The following COL27A1 variants were observed in gnomAD, a reference collection of about 807,000 sequenced individuals.
COL27A1 encodes the protein collagen alpha-1(XXVII) chain.
A neutral mutation model predicts 251.3 loss-of-function variants in COL27A1; 106 were observed. The observed-to-expected ratio is 0.42, with a 90% confidence interval of 0.36 to 0.50. The LOEUF (loss-of-function observed/expected upper bound fraction) is 0.50, where lower values mean the gene tolerates loss of function less well. Among genes scored for constraint, COL27A1 ranks in the 20% least tolerant of loss-of-function variants. The pLI, the probability that COL27A1 is intolerant of heterozygous loss-of-function variation, is 0.00. For synonymous variants in COL27A1, 1,000 were observed against 986.3 expected (o/e 1.01, Z -0.26); for missense variants, 2,325 against 2,522.8 (o/e 0.92, Z 1.68).
intron 60 of COL27A1, 24 bp downstream of exon 60, chr9:114,309,502 G>T: frequency 1.3e-6 from 2 of 1,589,208 alleles, no homozygotes; most frequent in Non-Finnish European, 1.7e-6. Context: ...CCCCTCCTAG[G>T]CCCTTCATGT....
At position 114,311,675 on chromosome 9, in the gene COL27A1, TG is replaced by T. The variant is rs552789939; in HGVS notation, c.*983del. 2.1e-4 allele frequency: 32 copies of T among 152,220 alleles called. No individual in the cohort carries two copies. Among genetic ancestry groups the T allele is most frequent in the Admixed American group, 1.9e-3 (29 of 15,288 alleles). The allele number at this position is 152,220 out of a possible 1,614,324, so 9.4% of individuals were successfully genotyped here. ...GTCCTTTTAAGGCAGCAGGGAGGCC[TG>T]GGTGCGAAGCATGTTGGCTTGGCCC... is the stretch of plus-strand genomic sequence containing the variant. On this transcript the variant is annotated 3_prime_UTR_variant, in exon 61 of 61. Coordinates refer to ENST00000356083, the MANE Select transcript of COL27A1 (RefSeq NM_032888.4).
chr9:114,289,104 C>G, intron 44 of COL27A1, 137 bp downstream of exon 44: 1 of 1,383,488 alleles, frequency 7.2e-7, no homozygotes, highest in Non-Finnish European at 9.9e-7. Context: ...TCTGTTTCTC[C>G]TGCCCTGACC....
Position 114,206,258 on chromosome 9 carries a change from C to T in COL27A1, c.2230C>T (p.Pro744Ser). Residue 744 changes from proline to serine, a missense_variant, in exon 10 of 61, where the codon CCT (proline) becomes TCT (serine). Physicochemically the swap from Pro to Ser is moderately conservative, Grantham distance 74 (BLOSUM62 -1). Transcript: ENST00000356083. The stretch of plus-strand genomic sequence containing the variant: ...TCTGTGTTTTGTGTTTCAGGGGTTA[C>T]CTGGACCGGTAGGAGATCCCGGCCC... Reference protein sequence around the residue: ...AKGYPGRQGLPGPVGDPGPKG... With the variant: ...AKGYPGRQGLSGPVGDPGPKG... 6.2e-7 allele frequency: 1 copy of T among 1,614,138 alleles called. No individual in the cohort carries two copies. Among genetic ancestry groups the T allele is most frequent in the Non-Finnish European group, 8.5e-7 (1 of 1,179,994 alleles).
At chr9:114,260,361 T>G (rs7862679) in intron 28 of COL27A1, among the ~76,000 whole-genome samples, 4,337 of 152,260 alleles carry the variant, frequency 0.028, 204 homozygotes, top group African/African-American at 0.1. Flanking sequence ...CTGGGTCTCC[T>G]GCCAAACAGG....
rs202177946 is a variant in COL27A1, at chr9:114,304,574, G to A, written c.4873-34G>A. Reference sequence around the variant, plus strand: ...TGATGGGTGTGGAGAACCCTGGGGGGCCACGATACATACCCTGTCTTTTCC... The same window carrying A: ...TGATGGGTGTGGAGAACCCTGGGGGACCACGATACATACCCTGTCTTTTCC... On this transcript the variant is annotated intron_variant, in intron 56 of 60. Coordinates refer to ENST00000356083, the MANE Select transcript of COL27A1 (RefSeq NM_032888.4). 1.2e-6 allele frequency: 2 copies of A among 1,611,034 alleles called. 1 individual carries two copies. The highest frequency in any genetic ancestry group is 1.7e-6 in the Non-Finnish European group (2 of 1,177,314).
In COL27A1 at chr9:114,306,149, C is replaced by G. The variant is rs544005649; in HGVS notation, c.4939-371C>G. The G allele has an allele frequency of 6.6e-5, 12 of 182,442 alleles. No homozygotes were observed. The South Asian group carries it at 1.2e-3, about 19-fold the overall frequency. 11.3% of individuals were successfully genotyped at this position (182,442 alleles called of 1,614,324 possible). On this transcript the variant is annotated intron_variant, in intron 57 of 60. Transcript: ENST00000356083. ...GAGCCCAGTGGGGGCTGTGTGACCC[C>G]CAAGTCAGCTCCCCCCAGCACCTCC...
rs1249762 is a variant in COL27A1 at position 114,306,546 on chromosome 9, G to A, written c.4965G>A (p.Val1655=). The change falls in exon 58 of 61, where the codon GTG becomes GTA. Residue 1655 remains valine (V), a synonymous_variant. Transcript: ENST00000356083. ...GTTACAGCTATCCAGACCGGCTGGT[G>A]CTGGACCAGGGAGGAGAGATCTTTA... ...PESYSYPDRL[V]LDQGGEIFKT... The A allele has an allele frequency of 3.8e-3, 6,071 of 1,613,994 alleles. 190 individuals are homozygous for A. The African/African-American group carries it at 0.072, about 19-fold the overall frequency.
intron 9 of COL27A1, 28 bp from the exon 10 acceptor site, chr9:114,206,223 TC>T (rs1466867235): frequency 6.2e-7 from 1 of 1,612,830 alleles, no homozygotes; most frequent in South Asian, 1.1e-5. Context: ...TCTCCATATG[TC>T]CTTGCCCCTC....
Position 114,292,266 on chromosome 9 carries a change from C to T in COL27A1, c.4584+56C>T. ...ACGCACTCACACATGCACACACTCACATACACCTACATGTACAAACACATG... is the reference window on the plus strand; with the variant it reads ...ACGCACTCACACATGCACACACTCATATACACCTACATGTACAAACACATG... On this transcript the variant is annotated intron_variant, in intron 49 of 60. Transcript: ENST00000356083. 8 of 1,272,802 alleles carry T rather than the reference C, an allele frequency of 6.3e-6. No homozygotes were observed. In the East Asian group the frequency reaches 7.6e-5, roughly 12 times the overall value. 78.8% of individuals were successfully genotyped at this position (1,272,802 alleles called of 1,614,324 possible). A position where few individuals can be genotyped will look rare whatever the true frequency, so the allele number is the denominator to read the frequency against.
At chr9:114,158,798 G>A (rs1045844364) in intron 1 of COL27A1, among the ~76,000 whole-genome samples, 2 of 152,234 alleles carry the variant, frequency 1.3e-5, no homozygotes, top group Non-Finnish European at 2.9e-5. Flanking sequence ...TCCTGCTGGT[G>A]AAGGCTGGGG....
At chr9:114,214,663 C>T (rs1160861612) in intron 12 of COL27A1, among the ~76,000 whole-genome samples, 3 of 152,224 alleles carry the variant, frequency 2.0e-5, no homozygotes, top group African/African-American at 7.2e-5. Context: ...GAATCCAGAA[C>T]ACTTGCTTTC....
In COL27A1 at chr9:114,290,152, C is replaced by CCCCCCCCCCCCCCCCCCCCCCCCCCCA; in HGVS notation, c.4260+42_4260+43insCCCCCCCCCCCCCCCCCCCCCCCCCAC. On this transcript the variant is annotated intron_variant, in intron 46 of 60. Transcript: ENST00000356083. The surrounding 1 kb of genome is among the most constrained non-coding windows in gnomAD (Gnocchi z 4.6). ...TGCTGTTTCCAGCCAACCTCCCTGC[C>CCCCCCCCCCCCCCCCCCCCCCCCCCCA]CGCCCCCCACACCCGCCCTCCTCCC... 1 of 1,581,800 alleles carries CCCCCCCCCCCCCCCCCCCCCCCCCCCA rather than the reference C, an allele frequency of 6.3e-7. No homozygotes were observed.
intron 37 of COL27A1, 103 bp downstream of exon 37, chr9:114,275,871 A>C: frequency 1.4e-6 from 1 of 691,206 alleles, no homozygotes; most frequent in Non-Finnish European, 2.4e-6. Flanking sequence ...GTGCCACTGA[A>C]GGATCTTCTG....
intron 8 of COL27A1, 106 bp from the exon 9 acceptor site, chr9:114,205,653 C>A: frequency 1.9e-6 from 2 of 1,032,666 alleles, no homozygotes; most frequent in African/African-American, 1.6e-5. Flanking sequence ...TCTCACATTC[C>A]TGCCCCTCTC....
At chr9:114,252,352 G>A (rs942353967) in intron 25 of COL27A1, among the ~76,000 whole-genome samples, 21 of 152,204 alleles carry the variant, frequency 1.4e-4, no homozygotes, top group Admixed American at 4.6e-4. Context: ...AATTCACTGC[G>A]TGGCCCACTA....
At chr9:114,309,171 C>T in intron 59 of COL27A1, 89 bp from the exon 60 acceptor site, 1 of 1,045,564 alleles carries the variant, frequency 9.6e-7, no homozygotes, top group Non-Finnish European at 1.5e-6. Flanking sequence ...GGGGCCTATC[C>T]CTGTTCCCTC....
At chr9:114,294,634 A>T (rs1179744395) in intron 49 of COL27A1, among the ~76,000 whole-genome samples, 1 of 152,244 alleles carries the variant, frequency 6.6e-6, no homozygotes, top group Non-Finnish European at 1.5e-5. Flanking sequence ...ATTTGAGAAA[A>T]ATCTAACTCC....
intron 2 of COL27A1, among the ~76,000 whole-genome samples, chr9:114,163,006 T>A (rs1848603789): frequency 2.0e-5 from 3 of 151,940 alleles, no homozygotes; most frequent in African/African-American, 7.3e-5. Flanking sequence ...GAGGCCGAGG[T>A]GGGTGGATCA....
At chr9:114,173,362 A>G (rs938933351) in intron 3 of COL27A1, among the ~76,000 whole-genome samples, 4 of 152,246 alleles carry the variant, frequency 2.6e-5, no homozygotes, top group Non-Finnish European at 5.9e-5. Context: ...TGAAATGAAC[A>G]AAAGAATTTG....
Sources: gnomAD v4.1 joint callset for allele counts (sites outside exome capture counted in the v4.1 genomes callset) on GRCh38, gnomAD v4.1.1 for gene constraint, Gnocchi (gnomAD v3.1) non-coding constraint, MANE v1.5 for transcripts, NCBI Gene and HGNC (gene_info 2026-07-23, HGNC 2026-07-21) for gene names.